Variants in UBE2D2 observed in about 807,000 individuals in gnomAD.
UBE2D2 encodes ubiquitin-conjugating enzyme E2 D2.
Under a neutral mutation model 24.2 loss-of-function variants are expected in UBE2D2, and 2 were observed. The ratio of observed to expected loss-of-function variants is 0.08; its 90% CI spans 0.03 to 0.26. The LOEUF is 0.26. Among genes scored for constraint, UBE2D2 ranks in the 10% least tolerant of loss-of-function variants. The pLI, the probability that UBE2D2 is intolerant of heterozygous loss-of-function variation, is 1.00. For synonymous variants in UBE2D2, 58 were observed against 56.5 expected, an observed-to-expected ratio of 1.03 and a Z score of -0.12; for missense variants, 44 against 177.6, an observed-to-expected ratio of 0.25 and a Z score of 4.28.
chr5:139,535,104 G>A (rs13359597), intron 1 of UBE2D2, among the ~76,000 whole-genome samples: 2 of 149,580 alleles, frequency 1.3e-5, no homozygotes, highest in Non-Finnish European at 1.5e-5. Context: ...CTCATGCCAC[G>A]GCGCTCCAGC....
chr5:139,588,037 C>T (rs1032996155), intron 1 of UBE2D2, among the ~76,000 whole-genome samples: 2 of 152,166 alleles, frequency 1.3e-5, no homozygotes, highest in African/African-American at 4.8e-5. Context: ...CTCCATAGCT[C>T]ACTGCAGTCT....
At chr5:139,569,327 G>A (rs1395477152) in intron 1 of UBE2D2, among the ~76,000 whole-genome samples, 1 of 152,072 alleles carries the variant, frequency 6.6e-6, no homozygotes, top group Non-Finnish European at 1.5e-5. Flanking sequence ...CAGCCATCGA[G>A]GATAACTGTT....
At chr5:139,566,919 T>TAA (rs752090527) in intron 1 of UBE2D2, among the ~76,000 whole-genome samples, 1 of 144,320 alleles carries the variant, frequency 6.9e-6, no homozygotes. Context: ...CGATTCAACT[T>TAA]AAAAAAAAAA....
Position 139,590,873 on chromosome 5 carries a change from C to T in UBE2D2, c.25-9499C>T, listed in dbSNP as rs371111060. ...GCAGTGGCGCGATCTTGGCTCATTG[C>T]AATGTCCGCCTCCCGGGTTCCAGTG... On this transcript the variant is annotated intron_variant, in intron 1 of 6. Coordinates refer to ENST00000398733, the MANE Select transcript of UBE2D2 (RefSeq NM_003339.3). Among the ~76,000 whole-genome samples the T allele has an allele frequency of 1.1e-4, 14 of 131,312 alleles. No homozygotes were observed. The South Asian group carries it at 3.5e-3, about 33-fold the overall frequency. 86.1% of individuals were successfully genotyped at this position (131,312 alleles called of 152,430 possible).
At chr5:139,572,012 A>G (rs1394454270) in intron 1 of UBE2D2, among the ~76,000 whole-genome samples, 8 of 151,626 alleles carry the variant, frequency 5.3e-5, no homozygotes, top group Admixed American at 3.9e-4. Flanking sequence ...TATCCTTCCC[A>G]TCTCTGACAT....
At chr5:139,623,839 A>C (rs57593051) in intron 6 of UBE2D2, among the ~76,000 whole-genome samples, 1 of 152,044 alleles carries the variant, frequency 6.6e-6, no homozygotes, top group African/African-American at 2.4e-5. Context: ...TTACAGGCGC[A>C]GGCCACCACG....
chr5:139,600,944 A>T (rs893652975), intron 2 of UBE2D2, among the ~76,000 whole-genome samples: 3 of 152,124 alleles, frequency 2.0e-5, no homozygotes, highest in African/African-American at 7.2e-5. Flanking sequence ...CTGGGATTAC[A>T]GGTGCATGCC....
chr5:139,576,024 A>G (rs1277472853), intron 1 of UBE2D2, among the ~76,000 whole-genome samples: 3 of 152,180 alleles, frequency 2.0e-5, no homozygotes, highest in Non-Finnish European at 4.4e-5. Context: ...CTGACTCAAA[A>G]CAAGACAAGC....
intron 1 of UBE2D2, among the ~76,000 whole-genome samples, chr5:139,589,723 A>G (rs1188170215): frequency 6.6e-6 from 1 of 152,224 alleles, no homozygotes; most frequent in African/African-American, 2.4e-5. Context: ...ATAGCAAATC[A>G]TTTGTTGTAT....
chr5:139,601,373 G>A (rs935384011), intron 2 of UBE2D2, among the ~76,000 whole-genome samples: 2 of 152,136 alleles, frequency 1.3e-5, no homozygotes, highest in Non-Finnish European at 2.9e-5. Context: ...GGAGACCGAG[G>A]CAGGTGAATC....
intron 1 of UBE2D2, among the ~76,000 whole-genome samples, chr5:139,581,464 A>G (rs1243992584): frequency 1.3e-5 from 2 of 151,918 alleles, no homozygotes; most frequent in African/African-American, 4.8e-5. Context: ...AAAAAAGTAG[A>G]GGTTGAGCAT....
At chr5:139,540,066 T>C (rs1052725104) in intron 1 of UBE2D2, among the ~76,000 whole-genome samples, 2 of 151,862 alleles carry the variant, frequency 1.3e-5, no homozygotes, top group Non-Finnish European at 2.9e-5. Context: ...ATTACAGGCA[T>C]GCACCACTAC....
At chr5:139,537,788 C>T (rs926017569) in intron 1 of UBE2D2, among the ~76,000 whole-genome samples, 4 of 151,716 alleles carry the variant, frequency 2.6e-5, no homozygotes, top group African/African-American at 9.7e-5. Flanking sequence ...CACGGTGAGA[C>T]CCCTTCTCTA....
intron 1 of UBE2D2, among the ~76,000 whole-genome samples, chr5:139,579,422 C>T (rs1561509349): frequency 6.6e-6 from 1 of 152,142 alleles, no homozygotes; most frequent in East Asian, 1.9e-4. Context: ...GCTGTGATTA[C>T]AGGCGTGAAC....
At chr5:139,527,551 TAAAG>T (rs942145336) in intron 1 of UBE2D2, among the ~76,000 whole-genome samples, 10 of 152,060 alleles carry the variant, frequency 6.6e-5, no homozygotes, top group Admixed American at 2.0e-4. Flanking sequence ...TCAAAACACA[TAAAG>T]AAAGTTTGCT....
chr5:139,545,059 G>A (rs528525393), intron 1 of UBE2D2, among the ~76,000 whole-genome samples: 2 of 152,146 alleles, frequency 1.3e-5, no homozygotes, highest in East Asian at 1.9e-4. Flanking sequence ...GATTTCAGGC[G>A]TGAGCCACTG....
chr5:139,575,620 A>G (rs947151234), intron 1 of UBE2D2, among the ~76,000 whole-genome samples: 1 of 152,220 alleles, frequency 6.6e-6, no homozygotes, highest in African/African-American at 2.4e-5. Context: ...ATCTTATTAT[A>G]GAAGTGTCTG....
intron 2 of UBE2D2, among the ~76,000 whole-genome samples, chr5:139,612,528 T>TA (rs1344191658): frequency 6.6e-6 from 1 of 152,224 alleles, no homozygotes; most frequent in African/African-American, 2.4e-5. Context: ...ACCCAACTCT[T>TA]ACAGCTTTGA....
intron 1 of UBE2D2, among the ~76,000 whole-genome samples, chr5:139,586,307 A>G (rs1477158988): frequency 4.6e-5 from 7 of 152,108 alleles, no homozygotes; most frequent in African/African-American, 1.4e-4. Flanking sequence ...AATAACTTAT[A>G]AGATGGAACT....
Sources: gnomAD v4.1 joint callset for allele counts (sites outside exome capture counted in the v4.1 genomes callset) on GRCh38, gnomAD v4.1.1 for gene constraint, MANE v1.5 for transcripts, NCBI Gene and HGNC (gene_info 2026-07-23, HGNC 2026-07-21) for gene names.